TIAM1: variants seen among roughly 807,000 people sequenced by gnomAD.
TIAM1 encodes the protein rho guanine nucleotide exchange factor TIAM1.
In TIAM1, 65 loss-of-function variants were observed where a neutral mutation model predicts 163.5. The observed-to-expected ratio is 0.40, with a 90% CI of 0.33 to 0.49. The LOEUF is 0.49. Ranked by LOEUF, TIAM1 falls within the 20% of genes least tolerant of loss-of-function variation. The pLI is 0.77. For missense variants in TIAM1, 1,789 were observed against 2,044.7 expected (o/e 0.87, Z 2.41); for synonymous variants, 833 against 810.1 (o/e 1.03, Z -0.48).
chr21:31,282,313 AT>A (rs1284154172), intron 2 of TIAM1, among the ~76,000 whole-genome samples: 1 of 152,200 alleles, frequency 6.6e-6, no homozygotes, highest in Non-Finnish European at 1.5e-5. Flanking sequence ...TTTCATAGGA[AT>A]GTTTCTTGTC....
chr21:31,167,073 A>G (rs999553286), intron 15 of TIAM1, among the ~76,000 whole-genome samples: 1 of 151,716 alleles, frequency 6.6e-6, no homozygotes, highest in African/African-American at 2.4e-5. Context: ...GTGGGAAAGC[A>G]AATAAAAGGA....
chr21:31,147,000 C>T lies in TIAM1; in HGVS notation c.3370G>A (p.Val1124Met). The part of the protein sequence containing the change: ...KLEKVDQFKK[V>M]LFSLGGSFLY... ...AATGATCCCCCCAGAGAGAACAGCA[C>T]TTTCTGGATTTGACGAGAAAAGGCA... The change falls in exon 20 of 28, where the codon GTG becomes ATG. Residue 1124 changes from valine to methionine, a missense_variant. This residue lies in a region of TIAM1 where 303 missense variants were observed against 321.3 expected (regional missense o/e 0.94). Transcript: ENST00000541036. The T allele has an allele frequency of 6.2e-7, 1 of 1,613,240 alleles. No individual in the cohort carries two copies.
chr21:31,156,824 G>C (rs950896463), intron 16 of TIAM1, among the ~76,000 whole-genome samples: 2 of 152,116 alleles, frequency 1.3e-5, no homozygotes, highest in Non-Finnish European at 2.9e-5. Flanking sequence ...ACTCTCCTTG[G>C]TTGCTTTGAT....
intron 1 of TIAM1, among the ~76,000 whole-genome samples, chr21:31,554,666 A>C (rs924571718): frequency 1.3e-5 from 2 of 152,200 alleles, no homozygotes; most frequent in African/African-American, 4.8e-5. Flanking sequence ...ATCCTCTGAA[A>C]GCAGACAATT....
intron 11 of TIAM1, among the ~76,000 whole-genome samples, chr21:31,204,182 A>G (rs2086338980): frequency 6.6e-6 from 1 of 152,240 alleles, no homozygotes. Context: ...GAAAATGTTT[A>G]AACCAAGTGA....
In TIAM1 at chr21:31,546,556, A is replaced by AAAAGAAAGAAAG. The variant is rs58230083; in HGVS notation, c.-422+12359_-422+12370dup. Among the ~76,000 whole-genome samples, 255 of 143,374 alleles carry AAAAGAAAGAAAG rather than the reference A, an allele frequency of 1.8e-3. 3 individuals carry two copies. The highest frequency in any genetic ancestry group is 3.6e-3 in the South Asian group (14 of 3,896). The allele number at this position is 143,374 out of a possible 152,430, so 94.1% of individuals were successfully genotyped here. On this transcript the variant is annotated intron_variant, in intron 1 of 28. Coordinates refer to the TIAM1 transcript ENST00000286827. ...CAGAGCAAGACTCCATCTCAAAAAA[A>AAAAGAAAGAAAG]AAAGAAAGAAAGAAAGAAAGAAAGA...
chr21:31,279,225 C>T (rs539289768), intron 2 of TIAM1, among the ~76,000 whole-genome samples: 13 of 151,860 alleles, frequency 8.6e-5, no homozygotes, highest in Non-Finnish European at 1.3e-4. Context: ...GGTATAACTT[C>T]TTTCTGACTT....
intron 2 of TIAM1, among the ~76,000 whole-genome samples, chr21:31,298,766 G>GTGTGTT (rs1247685836): frequency 7.5e-6 from 1 of 134,202 alleles, no homozygotes; most frequent in African/African-American, 3.4e-5. Context: ...GTGTGTGTGT[G>GTGTGTT]TGAGAAACAG....
chr21:31,266,142 A>C lies in TIAM1; in HGVS notation c.831T>G (p.Ala277=), dbSNP rs2072746964. The C allele has an allele frequency of 2.5e-6, 4 of 1,614,214 alleles. No individual in the cohort carries two copies. In the East Asian group the frequency reaches 8.9e-5, roughly 36 times the overall value. Residue 277 remains alanine (A), a synonymous_variant, in exon 4 of 28, where the codon GCT becomes GCG. Coordinates refer to ENST00000541036, the MANE Select transcript of TIAM1 (RefSeq NM_001353694.2). ...LANHKMPPAA[A]EETPPYSNYN... ...AATTACTGTACGGAGGAGTCTCTTC[A>C]GCAGCAGCTGGTGGCATCTTATGGT... is the stretch of plus-strand genomic sequence containing the variant.
chr21:31,431,309 T>C (rs892124457), intron 2 of TIAM1, among the ~76,000 whole-genome samples: 1 of 152,222 alleles, frequency 6.6e-6, no homozygotes, highest in East Asian at 1.9e-4. Context: ...TCTCCAGCTG[T>C]AGGGCTTGTT....
intron 1 of TIAM1, among the ~76,000 whole-genome samples, chr21:31,496,097 A>G (rs73197648): frequency 0.1 from 15,689 of 152,220 alleles, 1,744 homozygotes; most frequent in East Asian, 0.61. Flanking sequence ...GCCAATGAGT[A>G]TGTCCGTATC....
intron 2 of TIAM1, among the ~76,000 whole-genome samples, chr21:31,366,209 G>A (rs1365438126): frequency 6.6e-6 from 1 of 152,038 alleles, no homozygotes; most frequent in Non-Finnish European, 1.5e-5. Context: ...GTTGACAGAG[G>A]TCATAGGAAG....
chr21:31,492,761 T>G (rs2046510779), intron 1 of TIAM1, among the ~76,000 whole-genome samples: 1 of 146,340 alleles, frequency 6.8e-6, no homozygotes. Flanking sequence ...GATTGAGACC[T>G]GAGATATTTT....
intron 5 of TIAM1, among the ~76,000 whole-genome samples, chr21:31,246,570 CA>C (rs34630761): frequency 0.12 from 18,523 of 152,204 alleles, 1,650 homozygotes; most frequent in East Asian, 0.39. Flanking sequence ...TTCCTTACCA[CA>C]AACAAGTGCC....
At chr21:31,275,126 TAAA>T (rs199540397) in intron 3 of TIAM1, among the ~76,000 whole-genome samples, 4 of 136,002 alleles carry the variant, frequency 2.9e-5, no homozygotes, top group African/African-American at 2.7e-5. Flanking sequence ...TGTCTCAAGT[TAAA>T]AAAAAAAAAA....
At chr21:31,221,780 A>T (rs574053382) in intron 8 of TIAM1, among the ~76,000 whole-genome samples, 70 of 152,334 alleles carry the variant, frequency 4.6e-4, no homozygotes, top group African/African-American at 1.3e-3. Context: ...TGATATTCTG[A>T]CAAGGAGATA....
intron 2 of TIAM1, among the ~76,000 whole-genome samples, chr21:31,380,530 C>G (rs760214685): frequency 6.6e-6 from 1 of 151,426 alleles, no homozygotes; most frequent in Non-Finnish European, 1.5e-5. Context: ...GCAACAAGAG[C>G]GAAATTCCAT....
chr21:31,438,605 T>C (rs1463519222), intron 2 of TIAM1, among the ~76,000 whole-genome samples: 4 of 152,182 alleles, frequency 2.6e-5, no homozygotes, highest in Non-Finnish European at 5.9e-5. Flanking sequence ...TGTCATGATG[T>C]AACCCTTTTC....
chr21:31,199,532 ATT>A (rs59602143), intron 12 of TIAM1, among the ~76,000 whole-genome samples: 13,377 of 139,338 alleles, frequency 0.096, 1,595 homozygotes, highest in East Asian at 0.27. Flanking sequence ...AGCCTAGAAC[ATT>A]TTTTTTTTTT....
Sources: allele counts gnomAD v4.1 joint callset (sites outside exome capture counted in the v4.1 genomes callset), GRCh38; gene constraint gnomAD v4.1.1; regional missense constraint gnomAD v4.1.1; transcripts MANE v1.5; gene names NCBI Gene and HGNC (gene_info 2026-07-23, HGNC 2026-07-21).